TMEM132D: variants seen among roughly 807,000 people sequenced by gnomAD.
TMEM132D encodes mature OL transmembrane protein.
TMEM132D carries 21 observed loss-of-function variants against 62.3 expected under a neutral mutation model. That is an observed-to-expected ratio of 0.34 (90% confidence interval 0.24 to 0.49). The LOEUF (loss-of-function observed/expected upper bound fraction) is 0.49. Ranked by LOEUF, TMEM132D falls within the 20% of genes least tolerant of loss-of-function variation. The pLI is 0.99. For synonymous variants in TMEM132D, 621 were observed against 575.6 expected (o/e 1.08, Z -1.13); for missense variants, 1,346 against 1,402.8 (o/e 0.96, Z 0.65).
chr12:129,312,955 A>G (rs921193123), intron 4 of TMEM132D, among the ~76,000 whole-genome samples: 1 of 152,224 alleles, frequency 6.6e-6, no homozygotes, highest in Non-Finnish European at 1.5e-5. Context: ...GACTGAATTC[A>G]TGTCTGAGAA....
chr12:129,174,225 C>T (rs1378124368), intron 5 of TMEM132D, among the ~76,000 whole-genome samples: 1 of 152,118 alleles, frequency 6.6e-6, no homozygotes, highest in Non-Finnish European at 1.5e-5. Flanking sequence ...AGTTCACTCC[C>T]CTTGCCCCCC....
intron 1 of TMEM132D, among the ~76,000 whole-genome samples, chr12:129,745,875 T>C (rs1206001937): frequency 6.6e-6 from 1 of 152,154 alleles, no homozygotes; most frequent in Non-Finnish European, 1.5e-5. Flanking sequence ...TCTGATTCTG[T>C]GTGGATCCCA....
chr12:129,624,145 G>T (rs775587523), intron 2 of TMEM132D, among the ~76,000 whole-genome samples: 3 of 152,128 alleles, frequency 2.0e-5, no homozygotes, highest in Non-Finnish European at 4.4e-5. Flanking sequence ...AAGTCTCTCT[G>T]ATCTGCATGT....
intron 3 of TMEM132D, among the ~76,000 whole-genome samples, chr12:129,409,615 C>T (rs770051960): frequency 2.0e-5 from 3 of 152,152 alleles, no homozygotes; most frequent in Non-Finnish European, 2.9e-5. Flanking sequence ...GCTGATTTGT[C>T]ACCAACATTA....
chr12:129,410,216 C>T lies in TMEM132D; in HGVS notation c.1116-72399G>A, dbSNP rs190629708. Among the ~76,000 whole-genome samples, 267 of 152,284 alleles carry T rather than the reference C, an allele frequency of 1.8e-3. 1 individual carries two copies. Among genetic ancestry groups the T allele is most frequent in the Non-Finnish European group, 2.8e-3 (193 of 68,026 alleles). On this transcript the variant is annotated intron_variant, in intron 3 of 8. Transcript: ENST00000422113. ...TAGTTAATTCTAACTTAAATGACCA[C>T]AGAGGGACAGGGGTTTCCACACAGG... is the stretch of plus-strand genomic sequence containing the variant.
intron 3 of TMEM132D, among the ~76,000 whole-genome samples, chr12:129,519,131 G>A (rs946358103): frequency 6.6e-6 from 1 of 152,120 alleles, no homozygotes. Context: ...TTAAGGAAGG[G>A]GTTATTAGTC....
intron 1 of TMEM132D, among the ~76,000 whole-genome samples, chr12:129,807,124 T>C (rs1872017462): frequency 6.6e-6 from 1 of 152,220 alleles, no homozygotes; most frequent in African/African-American, 2.4e-5. Flanking sequence ...GAAGATTTTC[T>C]GAATTCCCTT....
At chr12:129,126,358 C>T (rs1486642) in intron 5 of TMEM132D, among the ~76,000 whole-genome samples, 132,171 of 147,344 alleles carry the variant, frequency 0.9, 59,436 homozygotes, top group Middle Eastern at 0.98. Context: ...GTTTCTCTCT[C>T]TTTTTTTTTT....
At position 129,772,567 on chromosome 12, in the gene TMEM132D, A is replaced by G. The variant is rs192118017; in HGVS notation, c.80-71869T>C. ...TCCCATGAGTCATAAATCCCGTGGC[A>G]TGGTCTGCAAAGGTCCCCTGAAAAC... On this transcript the variant is annotated intron_variant, in intron 1 of 8. Coordinates refer to ENST00000422113, the MANE Select transcript of TMEM132D (RefSeq NM_133448.3). 4.7e-3 allele frequency among the ~76,000 whole-genome samples: 717 copies of G among 152,326 alleles called. 10 individuals are homozygous for G. Among genetic ancestry groups the G allele is most frequent in the African/African-American group, 0.016 (666 of 41,574 alleles).
At chr12:129,275,524 C>T (rs1174718546) in intron 4 of TMEM132D, among the ~76,000 whole-genome samples, 5 of 152,294 alleles carry the variant, frequency 3.3e-5, no homozygotes, top group African/African-American at 1.2e-4. Context: ...ACACAAACTA[C>T]ACGCTCAGGA....
intron 2 of TMEM132D, among the ~76,000 whole-genome samples, chr12:129,572,404 C>T (rs1270163208): frequency 5.3e-5 from 8 of 152,166 alleles, no homozygotes; most frequent in African/African-American, 1.2e-4. Flanking sequence ...GGGAGGCAGG[C>T]AGGCCTGCAC....
At chr12:129,822,476 G>A (rs1329039186) in intron 1 of TMEM132D, among the ~76,000 whole-genome samples, 3 of 152,166 alleles carry the variant, frequency 2.0e-5, no homozygotes, top group Non-Finnish European at 2.9e-5. Flanking sequence ...AACTTCTTCA[G>A]CACTGAGCTC....
At chr12:129,366,330 G>T (rs1769802604) in intron 3 of TMEM132D, among the ~76,000 whole-genome samples, 2 of 152,114 alleles carry the variant, frequency 1.3e-5, no homozygotes, top group African/African-American at 4.8e-5. Flanking sequence ...CCATCCCCTT[G>T]GCACTGTCCT....
intron 2 of TMEM132D, among the ~76,000 whole-genome samples, chr12:129,605,549 C>T (rs927054289): frequency 1.4e-5 from 2 of 143,612 alleles, no homozygotes; most frequent in Admixed American, 7.3e-5. Context: ...ATCTTATGCC[C>T]CACAAGCAGC....
At chr12:129,125,535 C>T (rs1300687280) in intron 5 of TMEM132D, among the ~76,000 whole-genome samples, 4 of 141,088 alleles carry the variant, frequency 2.8e-5, no homozygotes, top group Admixed American at 2.2e-4. Flanking sequence ...GACAGGGTCT[C>T]GCTCTGTCAC....
intron 3 of TMEM132D, among the ~76,000 whole-genome samples, chr12:129,475,988 G>T (rs767835464): frequency 6.6e-6 from 1 of 152,192 alleles, no homozygotes; most frequent in South Asian, 2.1e-4. Context: ...TTATGCTCAC[G>T]TATTTGTAAG....
chr12:129,180,158 G>A (rs1245834015), intron 5 of TMEM132D, among the ~76,000 whole-genome samples: 1 of 152,116 alleles, frequency 6.6e-6, no homozygotes, highest in Non-Finnish European at 1.5e-5. Flanking sequence ...CATTAACCCA[G>A]TAAGCACAAT....
intron 3 of TMEM132D, among the ~76,000 whole-genome samples, chr12:129,435,093 C>T (rs1172857817): frequency 6.6e-6 from 1 of 152,186 alleles, no homozygotes; most frequent in Non-Finnish European, 1.5e-5. Context: ...TGGCTTATTT[C>T]ACTGACTATT....
chr12:129,168,372 C>T (rs1364023389), intron 5 of TMEM132D, among the ~76,000 whole-genome samples: 1 of 152,068 alleles, frequency 6.6e-6, no homozygotes, highest in Non-Finnish European at 1.5e-5. Context: ...ACCATGACCA[C>T]TATGTAATTT....
Sources: allele counts gnomAD v4.1 joint callset (sites outside exome capture counted in the v4.1 genomes callset), GRCh38; gene constraint gnomAD v4.1.1; transcripts MANE v1.5; gene names NCBI Gene and HGNC (gene_info 2026-07-23, HGNC 2026-07-21).